Variants in PRR5L observed in about 807,000 individuals in gnomAD.
PRR5L encodes proline rich 5 like, also known as proline-rich protein 5-like.
Under a neutral mutation model 36.4 loss-of-function variants are expected in PRR5L, and 21 were observed. The observed-to-expected ratio is 0.58, with a 90% CI of 0.41 to 0.83. The LOEUF (loss-of-function observed/expected upper bound fraction) is 0.83. Ranked by LOEUF, PRR5L falls within the 40% of genes least tolerant of loss-of-function variation. The pLI is 0.00. For synonymous variants in PRR5L, 188 were observed against 197.0 expected, an observed-to-expected ratio of 0.95 and a Z score of 0.38; for missense variants, 381 against 473.3, an observed-to-expected ratio of 0.80 and a Z score of 1.81.
intron 1 of PRR5L, among the ~76,000 whole-genome samples, chr11:36,342,344 C>G (rs1466038): frequency 0.76 from 115,769 of 151,958 alleles, 44,481 homozygotes; most frequent in East Asian, 0.92. Flanking sequence ...CAGACGGGGG[C>G]GAAATATGCC....
intron 1 of PRR5L, among the ~76,000 whole-genome samples, chr11:36,334,249 G>A (rs1856747761): frequency 1.3e-5 from 2 of 152,174 alleles, no homozygotes; most frequent in African/African-American, 4.8e-5. Context: ...GTGGGAGAAA[G>A]GAAAAATGGA....
chr11:36,326,232 T>C (rs1161780839), intron 1 of PRR5L, among the ~76,000 whole-genome samples: 2 of 152,026 alleles, frequency 1.3e-5, no homozygotes, highest in Non-Finnish European at 2.9e-5. Context: ...TCCTCCCAGG[T>C]GTATTTAAAG....
chr11:36,349,279 C>CAAA (rs56844732), intron 1 of PRR5L, among the ~76,000 whole-genome samples: 2,267 of 106,434 alleles, frequency 0.021, 53 homozygotes, highest in Middle Eastern at 0.052. Flanking sequence ...AAGACTCTGC[C>CAAA]AAAAAAAAAA....
At chr11:36,444,465 A>G (rs1858786489) in intron 6 of PRR5L, among the ~76,000 whole-genome samples, 2 of 152,232 alleles carry the variant, frequency 1.3e-5, no homozygotes, top group South Asian at 4.1e-4. Context: ...ATCTGTTTTA[A>G]TCTTTGCCTT....
At chr11:36,340,046 A>G (rs1565398719) in intron 1 of PRR5L, among the ~76,000 whole-genome samples, 1 of 152,166 alleles carries the variant, frequency 6.6e-6, no homozygotes, top group Non-Finnish European at 1.5e-5. Flanking sequence ...TCCAGTGCAC[A>G]GCTGTGTTTC....
intron 3 of PRR5L, among the ~76,000 whole-genome samples, chr11:36,414,811 C>T (rs1468301069): frequency 1.4e-5 from 2 of 147,330 alleles, no homozygotes; most frequent in African/African-American, 2.6e-5. Flanking sequence ...AATGGTAATG[C>T]CTAGGTTTTC....
intron 7 of PRR5L, among the ~76,000 whole-genome samples, chr11:36,448,341 A>G (rs185470461): frequency 1.1e-4 from 17 of 152,178 alleles, no homozygotes; most frequent in Admixed American, 9.8e-4. Context: ...TCTTAGAAAA[A>G]CAGCCCAAGT....
chr11:36,447,422 C>T (rs1858852672), intron 7 of PRR5L, among the ~76,000 whole-genome samples: 1 of 152,196 alleles, frequency 6.6e-6, no homozygotes, highest in Admixed American at 6.5e-5. Context: ...TAAGATCAAG[C>T]AGTATAAACA....
At chr11:36,427,235 T>C (rs949689800) in intron 4 of PRR5L, among the ~76,000 whole-genome samples, 2 of 152,202 alleles carry the variant, frequency 1.3e-5, no homozygotes, top group Non-Finnish European at 2.9e-5. Context: ...TTCCATCTCC[T>C]TTGCCACTTC....
intron 1 of PRR5L, among the ~76,000 whole-genome samples, chr11:36,304,691 A>G (rs969833284): frequency 6.6e-6 from 1 of 152,176 alleles, no homozygotes; most frequent in Non-Finnish European, 1.5e-5. Flanking sequence ...TACACACACA[A>G]TTTTGGACAC....
chr11:36,355,246 T>A (rs1857013722), intron 1 of PRR5L, among the ~76,000 whole-genome samples: 1 of 152,212 alleles, frequency 6.6e-6, no homozygotes, highest in Admixed American at 6.5e-5. Context: ...GAGCCTAAAC[T>A]AACATTTCTA....
intron 1 of PRR5L, among the ~76,000 whole-genome samples, chr11:36,343,060 G>A (rs1199057915): frequency 6.6e-6 from 1 of 152,160 alleles, no homozygotes; most frequent in East Asian, 1.9e-4. Flanking sequence ...GCAGCTTATG[G>A]GGATTCACAA....
At chr11:36,341,471 A>G (rs563098999) in intron 1 of PRR5L, among the ~76,000 whole-genome samples, 1 of 152,286 alleles carries the variant, frequency 6.6e-6, no homozygotes, top group African/African-American at 2.4e-5. Context: ...TAAGATGATC[A>G]TAGGATTCCA....
chr11:36,386,495 G>A (rs446134), intron 1 of PRR5L: 109,576 of 152,008 alleles, frequency 0.72, 39,740 homozygotes, highest in East Asian at 0.8. Context: ...CTGCAGCCTG[G>A]TCTGTGGGTG....
At chr11:36,308,502 A>C (rs953785751) in intron 1 of PRR5L, among the ~76,000 whole-genome samples, 8 of 152,174 alleles carry the variant, frequency 5.3e-5, no homozygotes, top group Non-Finnish European at 1.2e-4. Context: ...TGGGTGTCTC[A>C]GGAAAGGTCA....
intron 1 of PRR5L, among the ~76,000 whole-genome samples, chr11:36,389,990 T>G (rs1259631453): frequency 6.6e-6 from 1 of 152,184 alleles, no homozygotes; most frequent in African/African-American, 2.4e-5. Context: ...AGAGAATATC[T>G]GTGGAATTCC....
At chr11:36,419,951 A>T (rs1317942537) in intron 4 of PRR5L, among the ~76,000 whole-genome samples, 1 of 152,192 alleles carries the variant, frequency 6.6e-6, no homozygotes, top group Non-Finnish European at 1.5e-5. Context: ...CCACATCTGG[A>T]TCCATTGTCT....
At chr11:36,402,799 A>G (rs891446901) in intron 2 of PRR5L, among the ~76,000 whole-genome samples, 1 of 152,220 alleles carries the variant, frequency 6.6e-6, no homozygotes, top group African/African-American at 2.4e-5. Flanking sequence ...ACACGAGTGG[A>G]CATGTGAGGA....
chr11:36,341,279 G>C (rs367857166), intron 1 of PRR5L, among the ~76,000 whole-genome samples: 2 of 152,156 alleles, frequency 1.3e-5, no homozygotes, highest in African/African-American at 4.8e-5. Context: ...CCCTCTATAC[G>C]CTTGGCTCAA....
Sources: gnomAD v4.1 joint callset for allele counts (sites outside exome capture counted in the v4.1 genomes callset) on GRCh38, gnomAD v4.1.1 for gene constraint, MANE v1.5 for transcripts, NCBI Gene and HGNC (gene_info 2026-07-23, HGNC 2026-07-21) for gene names.